Variants in PRELID2 observed in about 807,000 individuals in gnomAD.
The protein encoded by PRELID2 is PRELI domain-containing protein 2.
In PRELID2, 25 loss-of-function variants were observed where a neutral mutation model predicts 28.4. That is an observed-to-expected ratio of 0.88 (90% CI 0.64 to 1.23). The LOEUF is 1.23. Among genes scored for constraint, PRELID2 ranks in the 50% most tolerant of loss-of-function variants. The pLI is 0.00. For missense variants in PRELID2, 201 were observed against 214.4 expected (o/e 0.94, Z 0.39); for synonymous variants, 76 against 71.6 (o/e 1.06, Z -0.31).
In PRELID2 at chr5:145,722,067, C is replaced by T. The variant is rs184681898; in HGVS notation, n.70+42864G>A. On this transcript the variant is annotated intron_variant and non_coding_transcript_variant, in intron 1 of 2. Coordinates refer to the PRELID2 transcript ENST00000510259. ...CATTGATAGACTTAAACAGCATTCT[C>T]AATAAGACAGATCTTACAGATCTTA... Among the ~76,000 whole-genome samples, 9 of 152,178 alleles carry T rather than the reference C, an allele frequency of 5.9e-5. No individual in the cohort carries two copies. In the East Asian group the frequency reaches 1.7e-3, roughly 29 times the overall value.
In PRELID2 at chr5:145,551,927, T is replaced by C. The variant is rs879875079; in HGVS notation, n.71-78612A>G. 3.9e-5 allele frequency among the ~76,000 whole-genome samples: 6 copies of C among 152,038 alleles called. 1 individual carries two copies. Among genetic ancestry groups the C allele is most frequent in the African/African-American group, 1.2e-4 (5 of 41,392 alleles). ...GCCCAGCAGGGAGGTACCAGGGCAA[T>C]ACATACCCCAACCTCATTCTCCTCC... is the stretch of plus-strand genomic sequence containing the variant. On this transcript the variant is annotated intron_variant and non_coding_transcript_variant, in intron 1 of 2. Coordinates refer to the PRELID2 transcript ENST00000510259.
chr5:145,434,709 C>A, the PRELID2 span, among the ~76,000 whole-genome samples: 1 of 152,170 alleles, frequency 6.6e-6, no homozygotes, highest in Non-Finnish European at 1.5e-5. Context: ...GCATCTCTAT[C>A]TTAGGGAATC....
the PRELID2 span, among the ~76,000 whole-genome samples, chr5:145,232,845 C>G: frequency 1.3e-5 from 2 of 151,876 alleles, no homozygotes; most frequent in African/African-American, 4.8e-5. Context: ...GAGTATAAAA[C>G]TAAATGAGAT....
At chr5:145,683,888 T>C (rs1754986156) in intron 1 of PRELID2, among the ~76,000 whole-genome samples, 1 of 152,140 alleles carries the variant, frequency 6.6e-6, no homozygotes. Context: ...CTGATGCACA[T>C]TGCTTATTGG....
the PRELID2 span, among the ~76,000 whole-genome samples, chr5:145,446,276 G>GA: frequency 2.0e-5 from 3 of 151,662 alleles, no homozygotes; most frequent in African/African-American, 2.4e-5. Context: ...ATTAAAAAAT[G>GA]AAAAAAAGTT....
At chr5:145,577,222 TCAAA>T (rs1753068515) in intron 1 of PRELID2, among the ~76,000 whole-genome samples, 2 of 152,086 alleles carry the variant, frequency 1.3e-5, no homozygotes, top group Non-Finnish European at 1.5e-5. Context: ...CATGACAGCA[TCAAA>T]CAGACAAAAT....
intron 1 of PRELID2, among the ~76,000 whole-genome samples, chr5:145,513,080 C>T (rs1181455032): frequency 6.6e-6 from 1 of 152,044 alleles, no homozygotes; most frequent in Non-Finnish European, 1.5e-5. Flanking sequence ...TGCCTCTTCT[C>T]CTCCAAAGGA....
At chr5:145,356,353 ATAAG>A in the PRELID2 span, among the ~76,000 whole-genome samples, 2 of 152,076 alleles carry the variant, frequency 1.3e-5, no homozygotes, top group South Asian at 4.1e-4. Context: ...AATAATAATC[ATAAG>A]TAATTATTAA....
chr5:145,234,344 A>G, the PRELID2 span, among the ~76,000 whole-genome samples: 3 of 152,322 alleles, frequency 2.0e-5, no homozygotes, highest in East Asian at 5.8e-4. Context: ...TCTATTTTAC[A>G]GTTGAGAAAA....
the PRELID2 span, among the ~76,000 whole-genome samples, chr5:145,346,386 C>T: frequency 1.3e-5 from 2 of 152,078 alleles, no homozygotes; most frequent in Admixed American, 6.6e-5. Context: ...ACTCAAGAGA[C>T]AGTTTGAGGA....
At chr5:145,344,504 CTTATA>C in the PRELID2 span, among the ~76,000 whole-genome samples, 2 of 151,982 alleles carry the variant, frequency 1.3e-5, no homozygotes, top group Admixed American at 1.3e-4. Flanking sequence ...TCTAACTTTT[CTTATA>C]TTATAAACCA....
chr5:145,469,975 CATTT>C (rs544106986), downstream of PRELID2, among the ~76,000 whole-genome samples: 225 of 152,190 alleles, frequency 1.5e-3, no homozygotes, highest in African/African-American at 5.2e-3. Flanking sequence ...TATATTATGT[CATTT>C]ATTGTGGAAT....
the PRELID2 span, among the ~76,000 whole-genome samples, chr5:145,377,523 A>T: frequency 1.3e-5 from 2 of 152,178 alleles, no homozygotes; most frequent in Non-Finnish European, 2.9e-5. Flanking sequence ...GTCTCTAAGA[A>T]CTTGCTTTAT....
chr5:145,532,054 A>G (rs1299026923), intron 1 of PRELID2, among the ~76,000 whole-genome samples: 1 of 152,136 alleles, frequency 6.6e-6, no homozygotes, highest in Non-Finnish European at 1.5e-5. Context: ...GCTTGTAGTA[A>G]CAGCTCAATA....
At chr5:145,524,705 C>G (rs1477995506) in intron 1 of PRELID2, among the ~76,000 whole-genome samples, 1 of 152,130 alleles carries the variant, frequency 6.6e-6, no homozygotes. Context: ...AACTAGGTCC[C>G]CTCAGAAAAA....
intron 1 of PRELID2, among the ~76,000 whole-genome samples, chr5:145,747,946 T>C (rs1206359642): frequency 1.3e-5 from 2 of 152,078 alleles, no homozygotes; most frequent in African/African-American, 4.8e-5. Context: ...AGGCCTTTGA[T>C]AAAATTCAAC....
the PRELID2 span, among the ~76,000 whole-genome samples, chr5:145,297,036 G>A: frequency 6.6e-6 from 1 of 152,058 alleles, no homozygotes; most frequent in Non-Finnish European, 1.5e-5. Flanking sequence ...TTTTGATGGG[G>A]TTGTTTGTTT....
At chr5:145,261,038 C>T in the PRELID2 span, among the ~76,000 whole-genome samples, 74 of 152,264 alleles carry the variant, frequency 4.9e-4, no homozygotes, top group Middle Eastern at 3.4e-3. Flanking sequence ...AGGCCTGTGG[C>T]TGCCAGCTTT....
At chr5:145,416,673 T>C in the PRELID2 span, among the ~76,000 whole-genome samples, 8 of 152,148 alleles carry the variant, frequency 5.3e-5, no homozygotes, top group South Asian at 6.2e-4. Context: ...ATTTATAGCA[T>C]TGAATGCCCA....
Sources: gnomAD v4.1 joint callset for allele counts (sites outside exome capture counted in the v4.1 genomes callset) on GRCh38, gnomAD v4.1.1 for gene constraint, MANE v1.5 for transcripts, NCBI Gene and HGNC (gene_info 2026-07-23, HGNC 2026-07-21) for gene names.